The following ESCO2 variants were observed in gnomAD, a reference collection of about 807,000 sequenced individuals.
ESCO2 encodes N-acetyltransferase ESCO2.
ESCO2 carries 51 observed loss-of-function variants against 61.7 expected under a neutral mutation model. The observed-to-expected ratio is 0.83, with a 90% CI of 0.66 to 1.04. The LOEUF is 1.04. ESCO2 is among the 50% of genes least tolerant of loss of function. The probability of loss-of-function intolerance (pLI) is 0.00; values close to 1 mark genes in which losing one functional copy is unlikely to be tolerated. For missense variants in ESCO2, 692 were observed against 686.2 expected (o/e 1.01, Z -0.09); for synonymous variants, 230 against 238.2 (o/e 0.97, Z 0.32).
Position 27,788,904 on chromosome 8 carries a change from A to G in ESCO2, c.1189A>G (p.Thr397Ala). 1 of 1,614,128 alleles carries G rather than the reference A, an allele frequency of 6.2e-7. No individual in the cohort carries two copies. The highest frequency in any genetic ancestry group is 8.5e-7 in the Non-Finnish European group (1 of 1,180,006). Residue 397 changes from threonine to alanine, a missense_variant, in exon 7 of 11, where the codon ACT becomes GCT. By Grantham distance (58) the Thr-to-Ala change is moderately conservative. Coordinates refer to ENST00000305188, the MANE Select transcript of ESCO2 (RefSeq NM_001017420.3). ...GTGCAAGTCTTGTGGTATGATATAT[A>G]CTGCTTCCAACCCTGAAGATGAAAT... ...TVCKSCGMIYTASNPEDEMQH... is the reference protein window; with the variant it reads ...TVCKSCGMIYAASNPEDEMQH...
chr8:27,799,557 C>T lies in ESCO2; in HGVS notation c.1514C>T (p.Ser505Phe). 3 of 1,613,932 alleles carry T rather than the reference C, an allele frequency of 1.9e-6. No individual in the cohort carries two copies. The highest frequency in any genetic ancestry group is 2.5e-6 in the Non-Finnish European group (3 of 1,179,976). The change falls in exon 10 of 11, where the codon TCT becomes TTT. Residue 505 changes from serine to phenylalanine, a missense_variant. By Grantham distance (155) the Ser-to-Phe change is radical. Transcript: ENST00000305188. ...TCATTGCAGGCATTTCGTGTCCTGT[C>T]TGAACCAATTGGTCCAGAATCCCCA... ...EPIKQAFRVL[S>F]EPIGPESPSS...
At chr8:27,796,517 T>C (rs895947514) in intron 9 of ESCO2, among the ~76,000 whole-genome samples, 3 of 152,208 alleles carry the variant, frequency 2.0e-5, no homozygotes, top group Non-Finnish European at 4.4e-5. Flanking sequence ...GAGATCTTTC[T>C]TCTTTTTTTA....
chr8:27,795,357 T>C (rs1805271425), intron 9 of ESCO2, among the ~76,000 whole-genome samples: 1 of 152,224 alleles, frequency 6.6e-6, no homozygotes, highest in Admixed American at 6.5e-5. Context: ...TACTGACTTT[T>C]GTATGTTGAT....
chr8:27,814,240 T>C (rs1038016658), downstream of ESCO2, among the ~76,000 whole-genome samples: 2 of 152,202 alleles, frequency 1.3e-5, no homozygotes, highest in African/African-American at 4.8e-5. Context: ...GTGGATTTCC[T>C]TTTCTTCCTA....
At chr8:27,809,277 A>G (rs141523289), downstream of ESCO2, among the ~76,000 whole-genome samples, 1,200 of 152,292 alleles carry the variant, frequency 7.9e-3, 14 homozygotes, top group African/African-American at 0.027. Context: ...ATATATGCAA[A>G]TTAATGTTGT....
Position 27,775,575 on chromosome 8 carries a change from T to G in ESCO2, c.53+8T>G, listed in dbSNP as rs1804771076. The G allele has an allele frequency of 2.5e-6, 4 of 1,614,000 alleles. No homozygotes were observed. The highest frequency in any genetic ancestry group is 1.7e-4 in the Middle Eastern group (1 of 6,060). ...TTCTTTGAAGTGTGACAGGTGAATC[T>G]CAGCCTGTGAATAGAAACTCTTAGA... On this transcript the variant is annotated splice_region_variant and intron_variant, in intron 2 of 10. Coordinates refer to ENST00000305188, the MANE Select transcript of ESCO2 (RefSeq NM_001017420.3).
At chr8:27,798,284 C>G (rs1805347129) in intron 9 of ESCO2, among the ~76,000 whole-genome samples, 1 of 151,970 alleles carries the variant, frequency 6.6e-6, no homozygotes, top group Non-Finnish European at 1.5e-5. Flanking sequence ...ATGCTGAAAC[C>G]CCCCGCCTCT....
chr8:27,813,428 T>C (rs1283063597), downstream of ESCO2, among the ~76,000 whole-genome samples: 1 of 152,170 alleles, frequency 6.6e-6, no homozygotes, highest in East Asian at 1.9e-4. Flanking sequence ...AACCTGCACA[T>C]TGTGCACATG....
In ESCO2 at chr8:27,784,040, T is replaced by G; in HGVS notation, c.996T>G (p.Ser332=). 1 of 1,613,598 alleles carries G rather than the reference T, an allele frequency of 6.2e-7. No individual in the cohort carries two copies. Among genetic ancestry groups the G allele is most frequent in the Non-Finnish European group, 8.5e-7 (1 of 1,179,626 alleles). The change falls in exon 5 of 11, where the codon TCT becomes TCG. Residue 332 remains serine (S), a synonymous_variant. Coordinates refer to ENST00000305188, the MANE Select transcript of ESCO2 (RefSeq NM_001017420.3). ...KSTVYPIFSA[S]SVNSKRSLGE... is the part of the protein sequence containing the mutation. ...CTGTCTATCCAATCTTCAGTGCATC[T>G]TCAGTCAATTCAAAAAGGTGAGAAT...
At chr8:27,772,554 G>C (rs1043325989), upstream of ESCO2, 8 of 1,548,948 alleles carry the variant, frequency 5.2e-6, no homozygotes, top group Non-Finnish European at 7.0e-6. Context: ...CCCGGGAGCG[G>C]TGCGGTGACT....
chr8:27,798,461 TAA>T (rs34991890), intron 9 of ESCO2, among the ~76,000 whole-genome samples: 137 of 146,430 alleles, frequency 9.4e-4, no homozygotes, highest in African/African-American at 3.0e-3. Flanking sequence ...TCCGTCTCTT[TAA>T]AAAAAAAAAA....
At chr8:27,781,599 T>C (rs1448735294) in intron 4 of ESCO2, among the ~76,000 whole-genome samples, 1 of 151,478 alleles carries the variant, frequency 6.6e-6, no homozygotes, top group African/African-American at 2.4e-5. Context: ...TTCACTGTGT[T>C]GCTCAGGCTG....
chr8:27,817,944 C>G, the ESCO2 span, among the ~76,000 whole-genome samples: 3 of 152,138 alleles, frequency 2.0e-5, no homozygotes, highest in African/African-American at 7.2e-5. Flanking sequence ...CTTCTGAGCA[C>G]TTGAATTGTG....
At chr8:27,806,763 C>A (rs906208513), downstream of ESCO2, among the ~76,000 whole-genome samples, 1 of 152,046 alleles carries the variant, frequency 6.6e-6, no homozygotes, top group African/African-American at 2.4e-5. Context: ...ATTCCAGGTG[C>A]ATGCCACCAC....
chr8:27,796,662 T>G (rs1805303398), intron 9 of ESCO2, among the ~76,000 whole-genome samples: 1 of 152,202 alleles, frequency 6.6e-6, no homozygotes, highest in Non-Finnish European at 1.5e-5. Flanking sequence ...GGTTTAATTT[T>G]CACATATTTG....
intron 10 of ESCO2, 126 bp from the exon 11 acceptor site, chr8:27,803,180 T>A (rs1040095115): frequency 1.7e-5 from 14 of 817,578 alleles, no homozygotes; most frequent in Non-Finnish European, 2.6e-5. Context: ...CTCTAAAATA[T>A]AAGGCATTTT....
chr8:27,788,012 T>C lies in ESCO2; in HGVS notation c.1131+10T>C. 3 of 1,592,578 alleles carry C rather than the reference T, an allele frequency of 1.9e-6. No individual in the cohort carries two copies. The South Asian group carries it at 3.3e-5, about 18-fold the overall frequency. On this transcript the variant is annotated intron_variant, in intron 6 of 10. Coordinates refer to ENST00000305188, the MANE Select transcript of ESCO2 (RefSeq NM_001017420.3). ...AGACCAGCTCATCATCGTGAGTAAATTCCAAACAAAGCTTCTCCTATCTAG... is the reference window on the plus strand; with the variant it reads ...AGACCAGCTCATCATCGTGAGTAAACTCCAAACAAAGCTTCTCCTATCTAG...
At chr8:27,797,138 T>C (rs183580149) in intron 9 of ESCO2, among the ~76,000 whole-genome samples, 5 of 152,174 alleles carry the variant, frequency 3.3e-5, no homozygotes, top group African/African-American at 1.2e-4. Context: ...GTTCATTTCC[T>C]TATTGATTTT....
rs1179793353 is a variant in ESCO2, at chr8:27,776,456, T to C, written c.148T>C (p.Ser50Pro). ...SDKNEENLHC[S>P]QQEHFVLSAL... ...TAAAAATGAAGAAAACCTGCATTGCTCTCAACAAGAGCATTTTGTTTTAAG... is the reference window on the plus strand; with the variant it reads ...TAAAAATGAAGAAAACCTGCATTGCCCTCAACAAGAGCATTTTGTTTTAAG... Residue 50 changes from serine to proline, a missense_variant, in exon 3 of 11, where the codon TCT becomes CCT. Transcript: ENST00000305188. 2.5e-6 allele frequency: 4 copies of C among 1,610,668 alleles called. No individual in the cohort carries two copies. The highest frequency in any genetic ancestry group is 4.5e-5 in the East Asian group (2 of 44,868).
Sources: gnomAD v4.1 joint callset for allele counts (sites outside exome capture counted in the v4.1 genomes callset) on GRCh38, gnomAD v4.1.1 for gene constraint, MANE v1.5 for transcripts, NCBI Gene and HGNC (gene_info 2026-07-23, HGNC 2026-07-21) for gene names.